The following ARHGAP12 variants were observed in gnomAD, a reference collection of about 807,000 sequenced individuals.
ARHGAP12 encodes the protein rho GTPase-activating protein 12.
Under a neutral mutation model 108.6 loss-of-function variants are expected in ARHGAP12, and 64 were observed. The ratio of observed to expected loss-of-function variants is 0.59; its 90% CI spans 0.48 to 0.73. The LOEUF (loss-of-function observed/expected upper bound fraction) is 0.73. Among genes scored for constraint, ARHGAP12 ranks in the 30% least tolerant of loss-of-function variants. The pLI, the probability that ARHGAP12 is intolerant of heterozygous loss-of-function variation, is 0.00. For missense variants in ARHGAP12, 940 were observed against 1,005.9 expected, an observed-to-expected ratio of 0.93 and a Z score of 0.89; for synonymous variants, 312 against 337.2, an observed-to-expected ratio of 0.93 and a Z score of 0.82.
intron 4 of ARHGAP12, among the ~76,000 whole-genome samples, chr10:31,860,214 A>G (rs1357501612): frequency 6.6e-6 from 1 of 152,272 alleles, no homozygotes; most frequent in Non-Finnish European, 1.5e-5. Flanking sequence ...GTTATTAACT[A>G]CAAAAAGCTT....
At chr10:31,834,410 A>G (rs1225138463) in intron 9 of ARHGAP12, among the ~76,000 whole-genome samples, 1 of 152,204 alleles carries the variant, frequency 6.6e-6, no homozygotes, top group African/African-American at 2.4e-5. Context: ...ATGTGAGGAC[A>G]CAGCAAAAAG....
At chr10:31,864,758 T>C (rs1277835290) in intron 3 of ARHGAP12, among the ~76,000 whole-genome samples, 1 of 152,160 alleles carries the variant, frequency 6.6e-6, no homozygotes, top group African/African-American at 2.4e-5. Context: ...ATAGAAACTA[T>C]TGACAAATGA....
intron 11 of ARHGAP12, among the ~76,000 whole-genome samples, chr10:31,820,712 T>TTATATATA (rs59605145): frequency 3.3e-4 from 39 of 118,272 alleles, no homozygotes; most frequent in African/African-American, 9.7e-4. Flanking sequence ...TTCCATCATA[T>TTATATATA]TATATATATA....
At chr10:31,878,951 CTTTAACAT>C (rs1837837516) in intron 3 of ARHGAP12, among the ~76,000 whole-genome samples, 1 of 152,174 alleles carries the variant, frequency 6.6e-6, no homozygotes, top group Non-Finnish European at 1.5e-5. Context: ...ATTGCCATCC[CTTTAACAT>C]TAAGAGTCCC....
At chr10:31,894,786 A>G (rs369955759) in intron 3 of ARHGAP12, among the ~76,000 whole-genome samples, 26 of 152,238 alleles carry the variant, frequency 1.7e-4, no homozygotes, top group Middle Eastern at 3.4e-3. Flanking sequence ...AGCCCGCATC[A>G]CCAAGTCAAT....
At chr10:31,926,360 T>C (rs1592396704) in intron 1 of ARHGAP12, among the ~76,000 whole-genome samples, 1 of 149,462 alleles carries the variant, frequency 6.7e-6, no homozygotes, top group South Asian at 2.1e-4. Flanking sequence ...ACCACAAGGA[T>C]AGTGGCCCAA....
chr10:31,888,602 C>A (rs1159284351), intron 3 of ARHGAP12, among the ~76,000 whole-genome samples: 1 of 152,074 alleles, frequency 6.6e-6, no homozygotes, highest in Non-Finnish European at 1.5e-5. Context: ...TTCCTAATGC[C>A]CAAATGAATA....
chr10:31,898,863 AC>A, intron 3 of ARHGAP12, among the ~76,000 whole-genome samples: 1 of 152,282 alleles, frequency 6.6e-6, no homozygotes, highest in Admixed American at 6.5e-5. Flanking sequence ...ACAACAACAA[AC>A]AAAAAAAAAC....
chr10:31,868,349 T>C (rs1371030669), intron 3 of ARHGAP12, among the ~76,000 whole-genome samples: 1 of 152,142 alleles, frequency 6.6e-6, no homozygotes, highest in Non-Finnish European at 1.5e-5. Context: ...CAGTTTTCTC[T>C]GGATATTAGT....
In ARHGAP12 at chr10:31,861,627, T is replaced by C; in HGVS notation, c.716A>G (p.Asp239Gly). 6.2e-7 allele frequency: 1 copy of C among 1,609,286 alleles called. No individual in the cohort carries two copies. Among genetic ancestry groups the C allele is most frequent in the Middle Eastern group, 1.7e-4 (1 of 6,040 alleles). Reference protein sequence around the residue: ...ATTPPNQGRPDSPVYANLQEL... With the variant: ...ATTPPNQGRPGSPVYANLQEL... ...TTGAAGGTTAGCATAGACAGGAGAA[T>C]CTGGCCTTCCTTGATTTGGAGGTGT... The change falls in exon 4 of 20, where the codon GAT (aspartate) becomes GGT (glycine). Residue 239 changes from aspartate to glycine, a missense_variant. Physicochemically the swap from Asp to Gly is moderately conservative, Grantham distance 94 (BLOSUM62 -1). Transcript: ENST00000344936.
chr10:31,811,213 C>A (rs1835003780), intron 15 of ARHGAP12, among the ~76,000 whole-genome samples: 1 of 152,216 alleles, frequency 6.6e-6, no homozygotes. Context: ...GGACCAAGGA[C>A]CATGTAGTTC....
chr10:31,893,156 C>T (rs2132408156), intron 3 of ARHGAP12, among the ~76,000 whole-genome samples: 1 of 152,224 alleles, frequency 6.6e-6, no homozygotes, highest in South Asian at 2.1e-4. Flanking sequence ...CAGGAAAGAT[C>T]TAAAATTGAC....
chr10:31,821,197 A>T (rs1165397985), intron 11 of ARHGAP12, among the ~76,000 whole-genome samples: 1 of 152,200 alleles, frequency 6.6e-6, no homozygotes, highest in Non-Finnish European at 1.5e-5. Context: ...GACAGATGCT[A>T]TAAAGCATCA....
chr10:31,812,897 T>G, intron 14 of ARHGAP12, 74 bp from the exon 15 acceptor site: 3 of 757,466 alleles, frequency 4.0e-6, no homozygotes, highest in Non-Finnish European at 6.5e-6. Flanking sequence ...CCAGCTAGCA[T>G]GCAAAACACA....
intron 14 of ARHGAP12, 63 bp downstream of exon 14, chr10:31,814,196 A>T (rs1835118338): frequency 1.5e-6 from 2 of 1,352,594 alleles, no homozygotes; most frequent in Non-Finnish European, 2.1e-6. Flanking sequence ...ATGTATTTAA[A>T]ACCTTCAAAA....
At chr10:31,838,125 A>G (rs1238247739) in intron 9 of ARHGAP12, among the ~76,000 whole-genome samples, 4 of 152,222 alleles carry the variant, frequency 2.6e-5, no homozygotes, top group Non-Finnish European at 5.9e-5. Flanking sequence ...TGAGGAAATA[A>G]AAGTTCAAAC....
chr10:31,865,340 G>T (rs1412390857), intron 3 of ARHGAP12, among the ~76,000 whole-genome samples: 1 of 152,108 alleles, frequency 6.6e-6, no homozygotes, highest in African/African-American at 2.4e-5. Flanking sequence ...ACAGATTCAA[G>T]AAACAATCAG....
At chr10:31,852,482 T>C (rs1339651845) in intron 6 of ARHGAP12, 35 bp downstream of exon 6, 1 of 1,478,266 alleles carries the variant, frequency 6.8e-7, no homozygotes, top group Admixed American at 1.7e-5. Context: ...TCATCTACTA[T>C]TTTTAAATAG....
chr10:31,848,232 T>C (rs1836536430), intron 6 of ARHGAP12, among the ~76,000 whole-genome samples: 1 of 152,286 alleles, frequency 6.6e-6, no homozygotes, highest in Non-Finnish European at 1.5e-5. Flanking sequence ...AAGAACCTAA[T>C]ACTAGAGTAA....
Sources: allele counts gnomAD v4.1 joint callset (sites outside exome capture counted in the v4.1 genomes callset), GRCh38; gene constraint gnomAD v4.1.1; transcripts MANE v1.5; gene names NCBI Gene and HGNC (gene_info 2026-07-23, HGNC 2026-07-21).